The following C4orf51 variants were observed in gnomAD, a reference collection of about 807,000 sequenced individuals.
C4orf51 encodes the protein chromosome 4 open reading frame 51, also known as uncharacterized protein C4orf51.
C4orf51 carries 25 observed loss-of-function variants against 25.2 expected under a neutral mutation model. The observed-to-expected ratio is 0.99, with a 90% CI of 0.72 to 1.39. The LOEUF (loss-of-function observed/expected upper bound fraction) is 1.39, where lower values mean the gene tolerates loss of function less well. Ranked by LOEUF, C4orf51 falls within the 40% of genes most tolerant of loss-of-function variation. The pLI, the probability that C4orf51 is intolerant of heterozygous loss-of-function variation, is 0.00. For missense variants in C4orf51, 252 were observed against 239.6 expected, an observed-to-expected ratio of 1.05 and a Z score of -0.34; for synonymous variants, 100 against 84.5, an observed-to-expected ratio of 1.18 and a Z score of -1.01.
At position 145,765,641 on chromosome 4, in the gene C4orf51, G is replaced by A. The variant is rs957970547; in HGVS notation, n.167-5347G>A. The A allele has an allele frequency of 3.1e-6, 5 of 1,614,052 alleles. No homozygotes were observed. The highest frequency in any genetic ancestry group is 4.2e-6 in the Non-Finnish European group (5 of 1,180,042). On this transcript the variant is annotated intron_variant and non_coding_transcript_variant, in intron 1 of 1. Transcript: ENST00000510096. The surrounding 1 kb of genome is among the most constrained non-coding windows in gnomAD (Gnocchi z 4.7). ...TGTTCCCGCCCTTGTTTTTCTGGGA[G>A]CCATCTGAATCATCTTTGCTGTTGG...
chr4:145,745,633 C>T (rs1320894489), intron 1 of C4orf51, among the ~76,000 whole-genome samples: 1 of 152,138 alleles, frequency 6.6e-6, no homozygotes, highest in Non-Finnish European at 1.5e-5. Context: ...TTGATGGACA[C>T]TTAGGTTGCT....
the C4orf51 span, among the ~76,000 whole-genome samples, chr4:145,780,879 A>G: frequency 3.9e-5 from 6 of 152,268 alleles, no homozygotes; most frequent in African/African-American, 1.4e-4. Context: ...AATGGTGGTA[A>G]GAACTTCTCC....
downstream of C4orf51, chr4:145,759,099 G>A (rs1362024616): frequency 6.6e-6 from 1 of 152,154 alleles, no homozygotes; most frequent in Non-Finnish European, 1.5e-5. Flanking sequence ...CAGCAACACA[G>A]TAAGAAAATG....
chr4:145,748,880 T>C (rs1198751511), intron 1 of C4orf51, among the ~76,000 whole-genome samples: 3 of 152,052 alleles, frequency 2.0e-5, no homozygotes, highest in Non-Finnish European at 4.4e-5. Context: ...ATCGATTAGG[T>C]CCATTTGGTC....
chr4:145,728,993 C>T (rs1307314423), intron 3 of C4orf51, among the ~76,000 whole-genome samples, 176 bp from the exon 4 acceptor site: 1 of 151,788 alleles, frequency 6.6e-6, no homozygotes, highest in Non-Finnish European at 1.5e-5. Flanking sequence ...CAATCTCCTG[C>T]CTCAGCCTCC....
chr4:145,681,622 A>C (rs1728843787), intron 1 of C4orf51, among the ~76,000 whole-genome samples: 1 of 152,170 alleles, frequency 6.6e-6, no homozygotes, highest in Non-Finnish European at 1.5e-5. Context: ...AAATAATAGA[A>C]GTTTATTTGG....
At chr4:145,782,912 A>G in the C4orf51 span, among the ~76,000 whole-genome samples, 3 of 152,304 alleles carry the variant, frequency 2.0e-5, no homozygotes, top group African/African-American at 4.8e-5. Flanking sequence ...CTCAGACTCA[A>G]TTTGAAGCCC....
At chr4:145,781,228 G>GAAAAAAAAA in the C4orf51 span, among the ~76,000 whole-genome samples, 1 of 99,680 alleles carries the variant, frequency 1.0e-5, no homozygotes, top group African/African-American at 3.7e-5. Context: ...GAAAAAAAAA[G>GAAAAAAAAA]AAAAAAAAAA....
chr4:145,711,970 T>A (rs1731157335), intron 2 of C4orf51, among the ~76,000 whole-genome samples: 1 of 152,238 alleles, frequency 6.6e-6, no homozygotes, highest in Non-Finnish European at 1.5e-5. Flanking sequence ...CACAATATTT[T>A]AAAATTTTCA....
rs529040880 is a variant in C4orf51 at position 145,727,895 on chromosome 4, G to GTGTATATATATATA, written c.366+927_366+928insGTATATATATATAT. 6.9e-5 allele frequency among the ~76,000 whole-genome samples: 7 copies of GTGTATATATATATA among 101,618 alleles called. No individual in the cohort carries two copies. The East Asian group carries it at 8.4e-4, about 12-fold the overall frequency. The allele number at this position is 101,618 out of a possible 152,430, so 66.7% of individuals were successfully genotyped here. A position where few individuals can be genotyped will look rare whatever the true frequency, so the allele number is the denominator to read the frequency against. ...GAAACTCCACCTACAAAAAAAATGT[G>GTGTATATATATATA]TATATATATATATATATATATATAT... is the stretch of plus-strand genomic sequence containing the variant. On this transcript the variant is annotated intron_variant, in intron 3 of 5. Coordinates refer to ENST00000438731, the MANE Select transcript of C4orf51 (RefSeq NM_001080531.3).
chr4:145,709,830 G>C (rs927414409), intron 2 of C4orf51, among the ~76,000 whole-genome samples: 1 of 152,174 alleles, frequency 6.6e-6, no homozygotes, highest in Non-Finnish European at 1.5e-5. Flanking sequence ...TGGGCCCGAA[G>C]GTCTTTCCCA....
chr4:145,709,852 T>TA (rs1731038566), intron 2 of C4orf51, among the ~76,000 whole-genome samples: 1 of 152,140 alleles, frequency 6.6e-6, no homozygotes, highest in Admixed American at 6.6e-5. Flanking sequence ...CCCTACAAGC[T>TA]ACCTGCCAGG....
rs1242766387 is a variant in C4orf51, at chr4:145,762,167, CTGTG to C, written n.167-8815_167-8812del. On this transcript the variant is annotated intron_variant and non_coding_transcript_variant, in intron 1 of 1. Transcript: ENST00000510096. The surrounding 1 kb of genome is among the most constrained non-coding windows in gnomAD (Gnocchi z 4.9). ...TAAGGGTTTGTTAGGATGAGAAGGC[CTGTG>C]TGTGTCTCTCTGTGTGAGTGTGTGC... 6.6e-6 allele frequency among the ~76,000 whole-genome samples: 1 copy of C among 152,038 alleles called. No individual in the cohort carries two copies. Among genetic ancestry groups the C allele is most frequent in the African/African-American group, 2.4e-5 (1 of 41,338 alleles).
At chr4:145,709,824 C>T (rs1731035516) in intron 2 of C4orf51, among the ~76,000 whole-genome samples, 1 of 152,148 alleles carries the variant, frequency 6.6e-6, no homozygotes, top group Non-Finnish European at 1.5e-5. Context: ...TTGATGTGGG[C>T]CCGAAGGTCT....
At chr4:145,694,297 A>T (rs1578935457) in intron 1 of C4orf51, among the ~76,000 whole-genome samples, 1 of 143,634 alleles carries the variant, frequency 7.0e-6, no homozygotes, top group African/African-American at 2.6e-5. Flanking sequence ...GCAGCCAGGC[A>T]GAGGGGCTCC....
chr4:145,714,870 G>A (rs1252252148), intron 2 of C4orf51, among the ~76,000 whole-genome samples: 2 of 152,130 alleles, frequency 1.3e-5, no homozygotes, highest in African/African-American at 2.4e-5. Context: ...CTATGGATGC[G>A]CCCATTCCAC....
chr4:145,741,358 T>A (rs1733086772), intron 1 of C4orf51, among the ~76,000 whole-genome samples: 1 of 152,188 alleles, frequency 6.6e-6, no homozygotes, highest in African/African-American at 2.4e-5. Context: ...TTTAAAACTT[T>A]TTTGGACTCT....
intron 1 of C4orf51, chr4:145,760,837 G>A: frequency 1.7e-6 from 2 of 1,205,552 alleles, no homozygotes; most frequent in African/African-American, 1.6e-5. Flanking sequence ...GTGTTTGGGT[G>A]AGGGGATGCT....
intron 2 of C4orf51, among the ~76,000 whole-genome samples, chr4:145,709,363 G>A (rs1287571248): frequency 6.6e-6 from 1 of 152,224 alleles, no homozygotes. Context: ...TAAGTTGCTG[G>A]CAGAGCCAGG....
Sources: gnomAD v4.1 joint callset for allele counts (sites outside exome capture counted in the v4.1 genomes callset) on GRCh38, gnomAD v4.1.1 for gene constraint, Gnocchi (gnomAD v3.1) non-coding constraint, MANE v1.5 for transcripts, NCBI Gene and HGNC (gene_info 2026-07-23, HGNC 2026-07-21) for gene names.